PTPRD: variants seen among roughly 807,000 people sequenced by gnomAD.
The protein encoded by PTPRD is receptor-type tyrosine-protein phosphatase delta.
PTPRD carries 34 observed loss-of-function variants against 214.5 expected under a neutral mutation model. The observed-to-expected ratio is 0.16, with a 90% CI of 0.12 to 0.21. The LOEUF is 0.21. PTPRD is among the 10% of genes least tolerant of loss of function. The probability of loss-of-function intolerance (pLI) is 1.00; values close to 1 mark genes in which losing one functional copy is unlikely to be tolerated. For synonymous variants in PTPRD, 1,128 were observed against 845.7 expected, an observed-to-expected ratio of 1.33 and a Z score of -5.79; for missense variants, 2,545 against 2,398.7, an observed-to-expected ratio of 1.06 and a Z score of -1.27.
chr9:9,623,018 T>C (rs2095300339), intron 7 of PTPRD, among the ~76,000 whole-genome samples: 1 of 152,136 alleles, frequency 6.6e-6, no homozygotes, highest in Non-Finnish European at 1.5e-5. Context: ...TAATAGAAAA[T>C]GTTAGCTTAG....
intron 20 of PTPRD, among the ~76,000 whole-genome samples, chr9:8,520,375 A>T (rs983946039): frequency 1.3e-5 from 2 of 152,238 alleles, no homozygotes; most frequent in East Asian, 1.9e-4. Context: ...TGCGATACCA[A>T]TTATAACGTG....
intron 8 of PTPRD, among the ~76,000 whole-genome samples, chr9:9,419,736 C>T (rs1032850641): frequency 6.6e-6 from 1 of 151,630 alleles, no homozygotes. Flanking sequence ...AATTTGCCTT[C>T]ATTATTGTGT....
chr9:10,217,509 G>A (rs560156449), intron 3 of PTPRD, among the ~76,000 whole-genome samples: 29 of 151,938 alleles, frequency 1.9e-4, no homozygotes, highest in African/African-American at 6.8e-4. Context: ...ATTTAAAATT[G>A]ATCACAGCAT....
chr9:9,908,079 CA>C (rs147778757), intron 5 of PTPRD, among the ~76,000 whole-genome samples: 127,367 of 149,386 alleles, frequency 0.85, 54,668 homozygotes, highest in Non-Finnish European at 0.92. Context: ...AACATTAAGA[CA>C]AAAAAAAAAA....
At chr9:9,946,756 G>A (rs186043653) in intron 4 of PTPRD, among the ~76,000 whole-genome samples, 1 of 151,898 alleles carries the variant, frequency 6.6e-6, no homozygotes, top group Admixed American at 6.6e-5. Flanking sequence ...AGCTCTAAAA[G>A]CACAAATGTT....
In PTPRD at chr9:10,037,336, T is replaced by C. The variant is rs1170094969; in HGVS notation, c.-544-3546A>G. ...TCTAATGTTTTAACACCATCCCCCT[T>C]GGTGGTGTTGCAGCAGGAGTGAGTA... On this transcript the variant is annotated intron_variant, in intron 3 of 45. Coordinates refer to ENST00000381196, the MANE Select transcript of PTPRD (RefSeq NM_002839.4). 2.6e-5 allele frequency among the ~76,000 whole-genome samples: 4 copies of C among 152,088 alleles called. No homozygotes were observed. The South Asian group carries it at 8.3e-4, about 32-fold the overall frequency.
intron 8 of PTPRD, among the ~76,000 whole-genome samples, chr9:9,478,588 C>A (rs1005470149): frequency 3.3e-5 from 5 of 152,116 alleles, no homozygotes; most frequent in African/African-American, 1.2e-4. Flanking sequence ...TAGATCTAAC[C>A]ATTTATTTCC....
intron 14 of PTPRD, among the ~76,000 whole-genome samples, chr9:8,596,317 C>T (rs970481549): frequency 1.3e-5 from 2 of 151,758 alleles, no homozygotes; most frequent in African/African-American, 4.8e-5. Context: ...ATTTATAATA[C>T]AGTCTCAAAA....
At chr9:10,410,270 TACACACACACACACA>T (rs2098420333) in intron 2 of PTPRD, among the ~76,000 whole-genome samples, 6 of 139,816 alleles carry the variant, frequency 4.3e-5, no homozygotes, top group East Asian at 5.3e-4. Context: ...TATATATATA[TACACACACACACACA>T]ATATATAATA....
At chr9:9,945,311 T>C (rs1286274170) in intron 4 of PTPRD, among the ~76,000 whole-genome samples, 1 of 152,020 alleles carries the variant, frequency 6.6e-6, no homozygotes, top group East Asian at 1.9e-4. Context: ...TATTAGGATA[T>C]AGGTGGTATT....
intron 36 of PTPRD, among the ~76,000 whole-genome samples, chr9:8,399,601 A>C (rs895998435): frequency 2.0e-5 from 3 of 152,188 alleles, no homozygotes; most frequent in East Asian, 1.9e-4. Flanking sequence ...TGTGTCATTT[A>C]TTCTTTGGAA....
At chr9:9,862,136 T>C (rs1478492201) in intron 5 of PTPRD, among the ~76,000 whole-genome samples, 1 of 152,150 alleles carries the variant, frequency 6.6e-6, no homozygotes, top group Non-Finnish European at 1.5e-5. Context: ...AAAGCTTTTT[T>C]CTCACCAACT....
intron 14 of PTPRD, among the ~76,000 whole-genome samples, chr9:8,615,986 A>G (rs757521823): frequency 6.6e-6 from 1 of 152,172 alleles, no homozygotes; most frequent in Non-Finnish European, 1.5e-5. Flanking sequence ...TACCATTTAA[A>G]ACAATTCCTT....
intron 8 of PTPRD, among the ~76,000 whole-genome samples, chr9:9,509,343 T>C (rs919217708): frequency 2.7e-4 from 41 of 151,538 alleles, no homozygotes; most frequent in Non-Finnish European, 4.0e-4. Context: ...CTCCTACTAT[T>C]AAAACTTGAG....
At chr9:9,843,472 A>G (rs559395222) in intron 5 of PTPRD, among the ~76,000 whole-genome samples, 1 of 152,008 alleles carries the variant, frequency 6.6e-6, no homozygotes, top group Non-Finnish European at 1.5e-5. Flanking sequence ...ACCTTAGTTT[A>G]CCTATATAAG....
chr9:10,144,938 A>G (rs2099012216), intron 3 of PTPRD, among the ~76,000 whole-genome samples: 1 of 152,156 alleles, frequency 6.6e-6, no homozygotes, highest in Admixed American at 6.6e-5. Flanking sequence ...CTCAACCAAC[A>G]AGAAAAGTAG....
intron 3 of PTPRD, among the ~76,000 whole-genome samples, chr9:10,204,500 C>G (rs2099456581): frequency 6.6e-6 from 1 of 151,968 alleles, no homozygotes; most frequent in Non-Finnish European, 1.5e-5. Context: ...AGTTGGCTAG[C>G]ATTAAATATT....
intron 2 of PTPRD, among the ~76,000 whole-genome samples, chr9:10,345,768 G>T (rs778869280): frequency 6.6e-6 from 1 of 152,154 alleles, no homozygotes; most frequent in Non-Finnish European, 1.5e-5. Context: ...GTAATCCTTT[G>T]GGTATAATCC....
At chr9:10,548,944 G>A (rs148198088) in intron 2 of PTPRD, among the ~76,000 whole-genome samples, 29 of 152,206 alleles carry the variant, frequency 1.9e-4, no homozygotes, top group South Asian at 1.9e-3. Flanking sequence ...CCATTAAATC[G>A]CAAAGGAAAA....
Sources: gnomAD v4.1 joint callset for allele counts (sites outside exome capture counted in the v4.1 genomes callset) on GRCh38, gnomAD v4.1.1 for gene constraint, MANE v1.5 for transcripts, NCBI Gene and HGNC (gene_info 2026-07-23, HGNC 2026-07-21) for gene names.